The following EGFLAM variants were observed in gnomAD, a reference collection of about 807,000 sequenced individuals.
EGFLAM encodes pikachurin.
In EGFLAM, 79 loss-of-function variants were observed where a neutral mutation model predicts 113.1. The ratio of observed to expected loss-of-function variants is 0.70; its 90% CI spans 0.58 to 0.84. The LOEUF (loss-of-function observed/expected upper bound fraction) is 0.84, where lower values mean the gene tolerates loss of function less well. Among genes scored for constraint, EGFLAM ranks in the 40% least tolerant of loss-of-function variants. The pLI is 0.00. For missense variants in EGFLAM, 1,265 were observed against 1,291.6 expected (o/e 0.98, Z 0.32); for synonymous variants, 504 against 487.6 (o/e 1.03, Z -0.44).
intron 14 of EGFLAM, among the ~76,000 whole-genome samples, chr5:38,430,845 G>T (rs550136389): frequency 3.3e-5 from 5 of 152,318 alleles, no homozygotes; most frequent in African/African-American, 1.2e-4. Flanking sequence ...GTACCAGGAA[G>T]CTGATGATGT....
chr5:38,291,633 G>A (rs1758335264), intron 1 of EGFLAM, among the ~76,000 whole-genome samples: 1 of 152,210 alleles, frequency 6.6e-6, no homozygotes, highest in Non-Finnish European at 1.5e-5. Context: ...CAATTCTGAT[G>A]ACATGACAAA....
At chr5:38,436,272 T>C (rs1742347246) in intron 16 of EGFLAM, among the ~76,000 whole-genome samples, 1 of 152,158 alleles carries the variant, frequency 6.6e-6, no homozygotes, top group South Asian at 2.1e-4. Flanking sequence ...GCATGTTTAG[T>C]TCCTGGGTGT....
chr5:38,333,916 GTTTTT>G (rs70978880), intron 1 of EGFLAM, among the ~76,000 whole-genome samples: 8 of 29,308 alleles, frequency 2.7e-4, no homozygotes, highest in Non-Finnish European at 4.5e-4. Context: ...ATTGTTGAGG[GTTTTT>G]TTTTTTTTTT....
intron 1 of EGFLAM, among the ~76,000 whole-genome samples, chr5:38,288,417 T>G (rs1459345824): frequency 1.3e-5 from 2 of 152,236 alleles, no homozygotes; most frequent in African/African-American, 4.8e-5. Context: ...TGATATAATC[T>G]ATTATGCATA....
At chr5:38,367,338 C>T (rs1361525757) in intron 5 of EGFLAM, among the ~76,000 whole-genome samples, 10 of 151,226 alleles carry the variant, frequency 6.6e-5, no homozygotes, top group Non-Finnish European at 1.5e-4. Context: ...TCTTGAACTA[C>T]TGGGCTCAAG....
At chr5:38,333,924 T>TTG (rs1164802866) in intron 1 of EGFLAM, among the ~76,000 whole-genome samples, 1 of 139,900 alleles carries the variant, frequency 7.1e-6, no homozygotes, top group Non-Finnish European at 1.5e-5. Context: ...GGGTTTTTTT[T>TTG]TTTTTTTTTT....
chr5:38,332,838 C>G (rs914605501), intron 1 of EGFLAM, among the ~76,000 whole-genome samples: 1 of 152,168 alleles, frequency 6.6e-6, no homozygotes, highest in Non-Finnish European at 1.5e-5. Context: ...TGTTCCTTGC[C>G]CTCATTCCGG....
intron 1 of EGFLAM, among the ~76,000 whole-genome samples, chr5:38,260,500 T>C (rs1757473515): frequency 6.6e-6 from 1 of 152,222 alleles, no homozygotes. Flanking sequence ...TTCTACCTGG[T>C]TCATTCAGGG....
In EGFLAM at chr5:38,258,743, G is replaced by A. The variant is rs368108401; in HGVS notation, c.-12G>A. 4.8e-5 allele frequency: 77 copies of A among 1,603,544 alleles called. No individual in the cohort carries two copies. Among genetic ancestry groups the A allele is most frequent in the Non-Finnish European group, 6.1e-5 (72 of 1,175,094 alleles). On this transcript the variant is annotated 5_prime_UTR_variant, in exon 1 of 22. Transcript: ENST00000322350. ...CGGGACTTGGTGAAACTTTGCAGGC[G>A]CCGGCTGCGAAATGGATTTAATCCG... is the stretch of plus-strand genomic sequence containing the variant.
At position 38,258,596 on chromosome 5, in the gene EGFLAM, C is replaced by T. The variant is rs1757409066; in HGVS notation, c.-159C>T. The T allele has an allele frequency of 2.5e-6, 2 of 799,112 alleles. No individual in the cohort carries two copies. Among genetic ancestry groups the T allele is most frequent in the Admixed American group, 4.5e-5 (2 of 44,632 alleles). 49.5% of individuals were successfully genotyped at this position (799,112 alleles called of 1,614,324 possible). A position where few individuals can be genotyped will look rare whatever the true frequency, so the allele number is the denominator to read the frequency against. On this transcript the variant is annotated 5_prime_UTR_variant, in exon 1 of 22. Coordinates refer to ENST00000322350, the MANE Select transcript of EGFLAM (RefSeq NM_152403.4). ...CGACCTCCCGGCTGCAGTCCTACCT[C>T]TTGGAACTACCCGTGTTTCCGGGCC...
intron 17 of EGFLAM, chr5:38,445,826 C>A: frequency 9.4e-7 from 1 of 1,068,928 alleles, no homozygotes; most frequent in Non-Finnish European, 1.4e-6. Context: ...TGGTGGGAAG[C>A]CTCCCCGCCG....
chr5:38,417,370 CA>C (rs1162839882), intron 11 of EGFLAM, among the ~76,000 whole-genome samples: 4,063 of 100,024 alleles, frequency 0.041, 221 homozygotes, highest in African/African-American at 0.14. Flanking sequence ...AAAAAAAAAA[CA>C]AAAAAAAAAG....
chr5:38,318,693 C>T (rs140369671), intron 1 of EGFLAM, among the ~76,000 whole-genome samples: 370 of 152,090 alleles, frequency 2.4e-3, no homozygotes, highest in African/African-American at 8.5e-3. Context: ...TTAGTAAAGA[C>T]GGCATTTCAC....
At chr5:38,458,231 G>A (rs1167022810) in intron 19 of EGFLAM, 80 bp from the exon 20 acceptor site, 1 of 1,317,040 alleles carries the variant, frequency 7.6e-7, no homozygotes, top group Non-Finnish European at 1.0e-6. Flanking sequence ...CTTTTGCCCT[G>A]AGAATCGTCT....
intron 3 of EGFLAM, 123 bp from the exon 4 acceptor site, chr5:38,350,378 C>A: frequency 1.0e-6 from 1 of 955,586 alleles, no homozygotes; most frequent in Non-Finnish European, 1.6e-6. Flanking sequence ...CTAGACAAAG[C>A]AAAACATTCT....
At chr5:38,422,082 G>A (rs572456430) in intron 12 of EGFLAM, among the ~76,000 whole-genome samples, 2 of 152,218 alleles carry the variant, frequency 1.3e-5, no homozygotes, top group South Asian at 4.1e-4. Flanking sequence ...TTACGGACTA[G>A]GGGTTGGGGA....
At chr5:38,295,517 G>A (rs1236115279) in intron 1 of EGFLAM, among the ~76,000 whole-genome samples, 3 of 152,152 alleles carry the variant, frequency 2.0e-5, no homozygotes, top group Non-Finnish European at 4.4e-5. Context: ...TTCAGATGTA[G>A]GTTAGAAGAC....
intron 1 of EGFLAM, among the ~76,000 whole-genome samples, chr5:38,319,282 G>A (rs1466184339): frequency 6.6e-6 from 1 of 152,114 alleles, no homozygotes; most frequent in East Asian, 1.9e-4. Flanking sequence ...CCCCATGCTT[G>A]ACCCCCTGAT....
chr5:38,372,943 A>G (rs1346841645), intron 6 of EGFLAM, among the ~76,000 whole-genome samples: 4 of 152,274 alleles, frequency 2.6e-5, no homozygotes, highest in African/African-American at 9.6e-5. Flanking sequence ...CCAAAACATG[A>G]TTTTCCCATA....
Sources: allele counts gnomAD v4.1 joint callset (sites outside exome capture counted in the v4.1 genomes callset), GRCh38; gene constraint gnomAD v4.1.1; transcripts MANE v1.5; gene names NCBI Gene and HGNC (gene_info 2026-07-23, HGNC 2026-07-21).